Variants in VPS13C observed in about 807,000 individuals in gnomAD.
VPS13C encodes the protein vacuolar protein sorting 13 homolog C.
A neutral mutation model predicts 456.8 loss-of-function variants in VPS13C; 358 were observed. The observed-to-expected ratio is 0.78, with a 90% CI of 0.72 to 0.86. The LOEUF (loss-of-function observed/expected upper bound fraction) is 0.86, where lower values mean the gene tolerates loss of function less well. Among genes scored for constraint, VPS13C ranks in the 40% least tolerant of loss-of-function variants. The pLI, the probability that VPS13C is intolerant of heterozygous loss-of-function variation, is 0.00. For synonymous variants in VPS13C, 1,578 were observed against 1,486.7 expected, an observed-to-expected ratio of 1.06 and a Z score of -1.41; for missense variants, 4,818 against 4,385.4, an observed-to-expected ratio of 1.10 and a Z score of -2.79.
chr15:61,986,313 A>T (rs1385050761), intron 18 of VPS13C, among the ~76,000 whole-genome samples: 3 of 152,146 alleles, frequency 2.0e-5, no homozygotes, highest in African/African-American at 7.2e-5. Flanking sequence ...GTTAGCAAAG[A>T]ATTTGGAAGC....
intron 51 of VPS13C, 111 bp from the exon 52 acceptor site, chr15:61,927,431 T>A: frequency 1.3e-6 from 1 of 759,830 alleles, no homozygotes; most frequent in African/African-American, 1.8e-5. Context: ...ATAACAGATA[T>A]GGTGAAACTG....
At chr15:62,028,200 AG>A (rs1316603176) in intron 6 of VPS13C, among the ~76,000 whole-genome samples, 157 bp downstream of exon 6, 2 of 152,096 alleles carry the variant, frequency 1.3e-5, no homozygotes, top group African/African-American at 2.4e-5. Context: ...AAACGACTAC[AG>A]GTAAGGAAAA....
chr15:61,938,840 T>C (rs1438178582), intron 47 of VPS13C, among the ~76,000 whole-genome samples: 2 of 152,144 alleles, frequency 1.3e-5, no homozygotes, highest in Non-Finnish European at 2.9e-5. Flanking sequence ...CTTTCGCCCT[T>C]AGAGAAAGAC....
chr15:61,994,980 C>G (rs2046336251), intron 16 of VPS13C, among the ~76,000 whole-genome samples: 1 of 152,108 alleles, frequency 6.6e-6, no homozygotes, highest in Non-Finnish European at 1.5e-5. Flanking sequence ...AAGCAAGTTA[C>G]AAAACCTTCT....
intron 49 of VPS13C, among the ~76,000 whole-genome samples, chr15:61,932,388 C>A (rs527518371): frequency 6.6e-6 from 1 of 152,192 alleles, no homozygotes; most frequent in East Asian, 1.9e-4. Flanking sequence ...AGGGAAAAAA[C>A]TAGAAAGAAA....
chr15:61,986,678 C>T (rs1356677289), intron 18 of VPS13C, among the ~76,000 whole-genome samples: 3 of 152,022 alleles, frequency 2.0e-5, no homozygotes, highest in Non-Finnish European at 4.4e-5. Context: ...CATATCTAGT[C>T]ACATCACAGT....
chr15:62,037,524 AAAT>A (rs2048104635), intron 3 of VPS13C, among the ~76,000 whole-genome samples: 1 of 138,888 alleles, frequency 7.2e-6, no homozygotes, highest in Non-Finnish European at 1.5e-5. Context: ...AGAATATAAT[AAAT>A]AATGCAAAAT....
At chr15:61,984,524 T>C (rs1296458082) in intron 19 of VPS13C, among the ~76,000 whole-genome samples, 2 of 152,238 alleles carry the variant, frequency 1.3e-5, no homozygotes, top group Non-Finnish European at 2.9e-5. Flanking sequence ...CTTGAATTAT[T>C]AATTTTTTGT....
chr15:61,930,766 A>G (rs2044027410), intron 50 of VPS13C, among the ~76,000 whole-genome samples: 1 of 152,246 alleles, frequency 6.6e-6, no homozygotes. Flanking sequence ...GGCTTTTTAA[A>G]ACAAAATTCT....
At chr15:61,921,836 T>A in intron 55 of VPS13C, 111 bp downstream of exon 55, 1 of 1,077,480 alleles carries the variant, frequency 9.3e-7, no homozygotes, top group Non-Finnish European at 1.4e-6. Context: ...GACAGAGCCC[T>A]TAAAAGGGCT....
intron 48 of VPS13C, among the ~76,000 whole-genome samples, chr15:61,934,925 G>C (rs573504483): frequency 2.2e-4 from 33 of 151,876 alleles, no homozygotes; most frequent in African/African-American, 7.5e-4. Flanking sequence ...TAATTTTTTT[G>C]TATTTTTAGT....
intron 9 of VPS13C, among the ~76,000 whole-genome samples, chr15:62,019,218 G>A (rs2047368953): frequency 6.6e-6 from 1 of 152,006 alleles, no homozygotes; most frequent in African/African-American, 2.4e-5. Flanking sequence ...TATCGATTTT[G>A]TTGATCTTTT....
intron 54 of VPS13C, 80 bp from the exon 55 acceptor site, chr15:61,922,113 A>T (rs1453997042): frequency 7.0e-7 from 1 of 1,437,292 alleles, no homozygotes; most frequent in East Asian, 2.3e-5. Flanking sequence ...GAAATTATTA[A>T]GTAATCAATG....
At chr15:61,969,229 G>C in intron 28 of VPS13C, 70 bp downstream of exon 28, 1 of 1,093,294 alleles carries the variant, frequency 9.1e-7, no homozygotes, top group East Asian at 2.6e-5. Flanking sequence ...CAATATAAAT[G>C]AAAGTGTTTC....
chr15:61,999,000 C>T (rs2046497369), intron 16 of VPS13C, among the ~76,000 whole-genome samples: 1 of 152,180 alleles, frequency 6.6e-6, no homozygotes, highest in African/African-American at 2.4e-5. Flanking sequence ...CATATAACAT[C>T]TAAAAATATG....
chr15:61,992,961 C>G (rs761760053), intron 16 of VPS13C, among the ~76,000 whole-genome samples: 25 of 151,862 alleles, frequency 1.6e-4, no homozygotes, highest in Non-Finnish European at 3.4e-4. Context: ...CCTTCAACAG[C>G]AGAGATCATG....
intron 5 of VPS13C, among the ~76,000 whole-genome samples, chr15:62,032,695 T>A (rs954660785): frequency 1.3e-5 from 2 of 151,786 alleles, no homozygotes; most frequent in African/African-American, 4.8e-5. Flanking sequence ...TGAGAGAGAC[T>A]ATCTTCATCA....
At chr15:61,897,231 A>G (rs1000897474) in intron 66 of VPS13C, among the ~76,000 whole-genome samples, 1 of 152,242 alleles carries the variant, frequency 6.6e-6, no homozygotes, top group Non-Finnish European at 1.5e-5. Context: ...CCTCACCAGC[A>G]ACGGAACAAA....
intron 3 of VPS13C, among the ~76,000 whole-genome samples, chr15:62,036,092 A>T (rs567758266): frequency 6.6e-6 from 1 of 152,082 alleles, no homozygotes; most frequent in South Asian, 2.1e-4. Context: ...CCTACACATA[A>T]AGTTTTACAT....
Sources: gnomAD v4.1 joint callset for allele counts (sites outside exome capture counted in the v4.1 genomes callset) on GRCh38, gnomAD v4.1.1 for gene constraint, MANE v1.5 for transcripts, NCBI Gene and HGNC (gene_info 2026-07-23, HGNC 2026-07-21) for gene names.